The following TRIP12 variants were observed in gnomAD, a reference collection of about 807,000 sequenced individuals.
TRIP12 encodes the protein E3 ubiquitin-protein ligase TRIP12.
A neutral mutation model predicts 244.2 loss-of-function variants in TRIP12; 25 were observed. That is an observed-to-expected ratio of 0.10 (90% confidence interval 0.07 to 0.14). The LOEUF is 0.14. TRIP12 is among the 10% of genes least tolerant of loss of function. The pLI, the probability that TRIP12 is intolerant of heterozygous loss-of-function variation, is 1.00. For missense variants in TRIP12, 1,677 were observed against 2,486.4 expected (o/e 0.67, Z 6.92); for synonymous variants, 905 against 873.1 (o/e 1.04, Z -0.64).
At chr2:229,823,774 G>A (rs2050755950) in intron 8 of TRIP12, among the ~76,000 whole-genome samples, 1 of 152,044 alleles carries the variant, frequency 6.6e-6, no homozygotes, top group South Asian at 2.1e-4. Context: ...ATCACTTGAG[G>A]CCAAGGGTCT....
At chr2:229,810,781 A>G (rs2047075157) in intron 15 of TRIP12, 99 bp downstream of exon 15, 4 of 1,215,692 alleles carry the variant, frequency 3.3e-6, no homozygotes, top group Non-Finnish European at 2.3e-6. Context: ...TGCCTATAAT[A>G]TTAGTAATCT....
chr2:229,792,300 G>A, intron 27 of TRIP12, 74 bp from the exon 28 acceptor site: 1 of 1,339,616 alleles, frequency 7.5e-7, no homozygotes, highest in Non-Finnish European at 1.1e-6. Context: ...TATACACACT[G>A]GTTAAACATA....
At chr2:229,832,772 A>T (rs1053670570) in intron 6 of TRIP12, among the ~76,000 whole-genome samples, 2 of 152,228 alleles carry the variant, frequency 1.3e-5, no homozygotes, top group Admixed American at 6.5e-5. Context: ...TGACTCAAAT[A>T]TATTCTTTAG....
At chr2:229,794,605 C>T (rs1345874304) in intron 26 of TRIP12, among the ~76,000 whole-genome samples, 1 of 152,016 alleles carries the variant, frequency 6.6e-6, no homozygotes, top group African/African-American at 2.4e-5. Flanking sequence ...AAAAACCAAA[C>T]AAATTTCCTA....
At chr2:229,823,906 T>TA (rs969222985) in intron 8 of TRIP12, among the ~76,000 whole-genome samples, 77 of 148,274 alleles carry the variant, frequency 5.2e-4, no homozygotes, top group South Asian at 3.8e-3. Flanking sequence ...GACACTATGT[T>TA]AAAAAAAAAA....
At chr2:229,825,195 T>C (rs978106008) in intron 8 of TRIP12, among the ~76,000 whole-genome samples, 4 of 152,190 alleles carry the variant, frequency 2.6e-5, no homozygotes, top group Non-Finnish European at 4.4e-5. Flanking sequence ...ATTATAATTA[T>C]TGGGAATTAG....
intron 8 of TRIP12, among the ~76,000 whole-genome samples, chr2:229,824,887 G>A (rs924006109): frequency 6.6e-6 from 1 of 152,184 alleles, no homozygotes; most frequent in African/African-American, 2.4e-5. Context: ...TATGTTGTTT[G>A]TAGATTTGAC....
chr2:229,914,250 G>A (rs978307822), intron 1 of TRIP12, among the ~76,000 whole-genome samples: 6 of 152,112 alleles, frequency 3.9e-5, no homozygotes, highest in African/African-American at 1.4e-4. Flanking sequence ...AGATGTGAGA[G>A]GGGGTGTCAA....
intron 8 of TRIP12, among the ~76,000 whole-genome samples, chr2:229,822,118 C>T (rs957846756): frequency 1.3e-5 from 2 of 152,018 alleles, no homozygotes; most frequent in Admixed American, 6.6e-5. Flanking sequence ...CCAGCATGAG[C>T]GACAAGAGCG....
intron 8 of TRIP12, among the ~76,000 whole-genome samples, chr2:229,827,520 A>G (rs533550076): frequency 4.2e-4 from 64 of 152,254 alleles, no homozygotes; most frequent in African/African-American, 1.5e-3. Context: ...ACTCAGACAC[A>G]AACACGAACA....
intron 39 of TRIP12, among the ~76,000 whole-genome samples, chr2:229,769,615 T>C (rs1005870020): frequency 3.9e-5 from 6 of 152,158 alleles, no homozygotes; most frequent in African/African-American, 1.4e-4. Context: ...GATTTCAGTT[T>C]TCCTTTCTTC....
intron 1 of TRIP12, among the ~76,000 whole-genome samples, chr2:229,916,794 T>G (rs1270742713): frequency 1.3e-5 from 2 of 150,520 alleles, no homozygotes; most frequent in Non-Finnish European, 2.9e-5. Context: ...AAACTATCAG[T>G]AAGTTAGGAT....
rs1250304164 is a variant in TRIP12 at position 229,793,319 on chromosome 2, AT to A, written c.3969-175del. ...CAATAATTCAAGTTATTTAGAAAAA[AT>A]TTTTATACGTAAGAAATAAAAGACG... On this transcript the variant is annotated intron_variant, in intron 26 of 41. Coordinates refer to ENST00000675903, the MANE Select transcript of TRIP12 (RefSeq NM_001348323.3). 5 of 571,516 alleles carry A rather than the reference AT, an allele frequency of 8.7e-6. No homozygotes were observed. The Admixed American group carries it at 1.4e-4, about 16-fold the overall frequency. The allele number at this position is 571,516 out of a possible 1,614,324, so 35.4% of individuals were successfully genotyped here.
intron 2 of TRIP12, among the ~76,000 whole-genome samples, chr2:229,878,020 A>G (rs1056285996): frequency 3.3e-5 from 5 of 152,242 alleles, no homozygotes; most frequent in African/African-American, 7.2e-5. Flanking sequence ...AGTATAAGTG[A>G]TAAGAGCTTA....
intron 4 of TRIP12, among the ~76,000 whole-genome samples, chr2:229,858,292 G>A (rs1407140644): frequency 6.6e-6 from 1 of 152,180 alleles, no homozygotes; most frequent in African/African-American, 2.4e-5. Context: ...AAGCCCAGGA[G>A]GCGGAGGTTG....
chr2:229,838,897 G>A (rs1325593350), intron 5 of TRIP12, among the ~76,000 whole-genome samples: 2 of 152,152 alleles, frequency 1.3e-5, no homozygotes, highest in Non-Finnish European at 2.9e-5. Flanking sequence ...AAGTTGTACT[G>A]TTTACTTATG....
chr2:229,791,125 G>T lies in TRIP12; in HGVS notation c.4542C>A (p.His1514Gln), dbSNP rs143446404. Residue 1514 changes from histidine to glutamine, a missense_variant and splice_region_variant, in exon 30 of 42, where the codon CAC (histidine) becomes CAA (glutamine). This residue lies in a region of TRIP12 where 265 missense variants were observed against 370.8 expected (regional missense o/e 0.71). Transcript: ENST00000675903. ...TTTCCCCTTTATCTACCATCTTACC[G>T]TGCCATAACTCATCATGCTTTTTTG... is the stretch of plus-strand genomic sequence containing the variant. ...RNAKKHDELW[H>Q]DGVCPSVSNP... is the part of the protein sequence containing the mutation. The T allele has an allele frequency of 6.2e-7, 1 of 1,613,892 alleles. No homozygotes were observed. Among genetic ancestry groups the T allele is most frequent in the South Asian group, 1.1e-5 (1 of 91,072 alleles).
intron 1 of TRIP12, among the ~76,000 whole-genome samples, chr2:229,906,738 G>GA (rs886737658): frequency 8.4e-5 from 12 of 143,110 alleles, no homozygotes; most frequent in Non-Finnish European, 1.4e-4. Context: ...AAAAAAAAAA[G>GA]AAAAAAAAAT....
At chr2:229,787,735 T>A in intron 32 of TRIP12, 74 bp from the exon 33 acceptor site, 1 of 1,330,488 alleles carries the variant, frequency 7.5e-7, no homozygotes, top group Non-Finnish European at 1.0e-6. Flanking sequence ...TCCAAACTTA[T>A]ATTAGAAACA....
Sources: allele counts gnomAD v4.1 joint callset (sites outside exome capture counted in the v4.1 genomes callset), GRCh38; gene constraint gnomAD v4.1.1; regional missense constraint gnomAD v4.1.1; transcripts MANE v1.5; gene names NCBI Gene and HGNC (gene_info 2026-07-23, HGNC 2026-07-21).